The following MAP3K4 variants were observed in gnomAD, a reference collection of about 807,000 sequenced individuals.
MAP3K4 encodes mitogen-activated protein kinase kinase kinase 4.
MAP3K4 carries 67 observed loss-of-function variants against 185.6 expected under a neutral mutation model. That is an observed-to-expected ratio of 0.36 (90% CI 0.30 to 0.44). The LOEUF (loss-of-function observed/expected upper bound fraction) is 0.44, where lower values mean the gene tolerates loss of function less well. Among genes scored for constraint, MAP3K4 ranks in the 20% least tolerant of loss-of-function variants. The probability of loss-of-function intolerance (pLI) is 1.00; values close to 1 mark genes in which losing one functional copy is unlikely to be tolerated. For synonymous variants in MAP3K4, 702 were observed against 710.4 expected (o/e 0.99, Z 0.19); for missense variants, 1,551 against 1,995.1 (o/e 0.78, Z 4.24).
intron 19 of MAP3K4, among the ~76,000 whole-genome samples, chr6:161,105,249 AAT>A (rs1254260676): frequency 1.3e-5 from 2 of 152,234 alleles, no homozygotes; most frequent in African/African-American, 4.8e-5. Context: ...AAGTTGGAGA[AAT>A]AGAGATAAAT....
intron 1 of MAP3K4, among the ~76,000 whole-genome samples, chr6:161,026,325 C>T (rs1172236841): frequency 2.0e-5 from 3 of 151,486 alleles, no homozygotes; most frequent in African/African-American, 4.9e-5. Flanking sequence ...TTAGTAAAGA[C>T]GGGGTTTCAC....
At chr6:161,105,734 A>G (rs759558065) in intron 19 of MAP3K4, among the ~76,000 whole-genome samples, 2 of 152,172 alleles carry the variant, frequency 1.3e-5, no homozygotes, top group Non-Finnish European at 2.9e-5. Flanking sequence ...CAGTTTGGCT[A>G]GTGTGAAAAC....
At chr6:161,016,047 C>T (rs533651551) in intron 1 of MAP3K4, among the ~76,000 whole-genome samples, 56 of 152,206 alleles carry the variant, frequency 3.7e-4, no homozygotes, top group African/African-American at 1.2e-3. Flanking sequence ...TTTGTCAACG[C>T]GTTGTCTGAC....
rs1284597990 is a variant in MAP3K4, at chr6:161,097,685, C to G, written c.3524+509C>G. On this transcript the variant is annotated intron_variant, in intron 16 of 26. Transcript: ENST00000392142. The surrounding 1 kb of genome is among the most constrained non-coding windows in gnomAD (Gnocchi z 4.9). ...CTTGAATGTGGTGGCATTTCTGCAT[C>G]TTGAGGTAGTGAGCACCTTCTCTCG... Among the ~76,000 whole-genome samples the G allele has an allele frequency of 6.6e-6, 1 of 152,148 alleles. No homozygotes were observed. The highest frequency in any genetic ancestry group is 2.4e-5 in the African/African-American group (1 of 41,428).
chr6:161,054,482 T>A lies in MAP3K4; in HGVS notation c.1707+4503T>A, dbSNP rs1639362581. 6.6e-6 allele frequency among the ~76,000 whole-genome samples: 1 copy of A among 152,190 alleles called. No homozygotes were observed. The highest frequency in any genetic ancestry group is 6.5e-5 in the Admixed American group (1 of 15,278). On this transcript the variant is annotated intron_variant, in intron 3 of 26. Transcript: ENST00000392142. This position sits in a 1 kb window ranked among gnomAD's most constrained non-coding sequence, Gnocchi z 4.2. The stretch of plus-strand genomic sequence containing the variant: ...AACTAATTTTTCTCTAAAACTTTAT[T>A]AATATTTCAAAATATTTTAAAAGAA...
chr6:161,029,666 A>G (rs536272762), intron 1 of MAP3K4, among the ~76,000 whole-genome samples: 1 of 152,360 alleles, frequency 6.6e-6, no homozygotes, highest in African/African-American at 2.4e-5. Flanking sequence ...TACTTTGCTC[A>G]TCCCAAATCA....
chr6:161,046,045 G>C (rs531039803), intron 2 of MAP3K4, among the ~76,000 whole-genome samples: 115 of 152,166 alleles, frequency 7.6e-4, no homozygotes, highest in Non-Finnish European at 1.4e-3. Flanking sequence ...CCCAACATGT[G>C]TGTTTTTTTA....
chr6:161,001,085 CAT>C lies in MAP3K4; in HGVS notation c.152+9005_152+9006del, dbSNP rs910310883. 7.8e-5 allele frequency among the ~76,000 whole-genome samples: 10 copies of C among 127,590 alleles called. No individual in the cohort carries two copies. The East Asian group carries it at 2.2e-3, about 28-fold the overall frequency. 83.7% of individuals were successfully genotyped at this position (127,590 alleles called of 152,430 possible). A position where few individuals can be genotyped will look rare whatever the true frequency, so the allele number is the denominator to read the frequency against. On this transcript the variant is annotated intron_variant, in intron 1 of 26. Transcript: ENST00000392142. Reference sequence around the variant, plus strand: ...TATATATTATATATTATAATATACACATATGTATATAATATATAATATATATT... The same window carrying C: ...TATATATTATATATTATAATATACACATGTATATAATATATAATATATATT...
At chr6:161,094,018 C>T (rs1425586127) in intron 15 of MAP3K4, among the ~76,000 whole-genome samples, 167 bp downstream of exon 15, 2 of 152,010 alleles carry the variant, frequency 1.3e-5, no homozygotes, top group Admixed American at 1.3e-4. Flanking sequence ...AACTCCGCAG[C>T]AACCTTTCTA....
rs1482493404 is a variant in MAP3K4, at chr6:161,093,038, A to G, written c.3330A>G (p.Leu1110=). The part of the protein sequence containing the change: ...QAIEPAFISA[L]PEDDFLSLQA... Reference sequence around the variant, plus strand: ...TTGAACCTGCCTTTATTTCAGCTTTACCAGAAGATGACTTCTTGGTATGGA... The same window carrying G: ...TTGAACCTGCCTTTATTTCAGCTTTGCCAGAAGATGACTTCTTGGTATGGA... The change falls in exon 14 of 27, where the codon TTA becomes TTG. Residue 1110 remains leucine (L), a synonymous_variant. Coordinates refer to ENST00000392142, the MANE Select transcript of MAP3K4 (RefSeq NM_005922.4). The surrounding 1 kb of genome is among the most constrained non-coding windows in gnomAD (Gnocchi z 5.2). 1 of 1,612,848 alleles carries G rather than the reference A, an allele frequency of 6.2e-7. No individual in the cohort carries two copies. Among genetic ancestry groups the G allele is most frequent in the East Asian group, 2.2e-5 (1 of 44,816 alleles).
intron 1 of MAP3K4, among the ~76,000 whole-genome samples, chr6:161,002,052 T>G (rs1033591544): frequency 2.1e-5 from 3 of 146,218 alleles, no homozygotes; most frequent in Admixed American, 1.4e-4. Flanking sequence ...AGAAAAAGGT[T>G]TTTTTTTTTT....
In MAP3K4 at chr6:161,056,718, A is replaced by G. The variant is rs10945709; in HGVS notation, c.1707+6739A>G. Among the ~76,000 whole-genome samples, 3,789 of 152,270 alleles carry G rather than the reference A, an allele frequency of 0.025. 168 individuals are homozygous for G. Among genetic ancestry groups the G allele is most frequent in the African/African-American group, 0.087 (3,619 of 41,538 alleles). On this transcript the variant is annotated intron_variant, in intron 3 of 26. Coordinates refer to ENST00000392142, the MANE Select transcript of MAP3K4 (RefSeq NM_005922.4). This position sits in a 1 kb window ranked among gnomAD's most constrained non-coding sequence, Gnocchi z 5.4. Reference sequence around the variant, plus strand: ...GTCTTTAGCCTTTTATAGTCAAAACACTATTCTCCAAAGTAACTTAGGTCA... The same window carrying G: ...GTCTTTAGCCTTTTATAGTCAAAACGCTATTCTCCAAAGTAACTTAGGTCA...
intron 1 of MAP3K4, among the ~76,000 whole-genome samples, chr6:161,024,794 C>CT (rs34708068): frequency 6.6e-6 from 1 of 152,136 alleles, no homozygotes; most frequent in African/African-American, 2.4e-5. Context: ...TGCAATGTTA[C>CT]TTTTTTTTCC....
rs1785706848 is a variant in MAP3K4 at position 161,086,234 on chromosome 6, AT to A, written c.2373-144del. 6 of 514,542 alleles carry A rather than the reference AT, an allele frequency of 1.2e-5. No homozygotes were observed. The highest frequency in any genetic ancestry group is 5.1e-4 in the Middle Eastern group (1 of 1,944). 31.9% of individuals were successfully genotyped at this position (514,542 alleles called of 1,614,324 possible). On this transcript the variant is annotated intron_variant, in intron 7 of 26. Coordinates refer to ENST00000392142, the MANE Select transcript of MAP3K4 (RefSeq NM_005922.4). This position sits in a 1 kb window ranked among gnomAD's most constrained non-coding sequence, Gnocchi z 4.8. ...TCTGAATGTTTTGACTACATCTTCA[AT>A]AATAGTTTGTTCCCATTTAAAAAAT...
chr6:161,046,031 T>C (rs6919510), intron 2 of MAP3K4, among the ~76,000 whole-genome samples: 105,236 of 151,972 alleles, frequency 0.69, 37,795 homozygotes, highest in East Asian at 0.97. Context: ...ATTTCTCTCC[T>C]AAGCCCAACA....
intron 3 of MAP3K4, among the ~76,000 whole-genome samples, chr6:161,066,201 G>T (rs1030249623): frequency 1.3e-5 from 2 of 152,002 alleles, no homozygotes; most frequent in African/African-American, 4.8e-5. Context: ...ACTTTGAATA[G>T]TTTTTTAGAG....
intron 1 of MAP3K4, among the ~76,000 whole-genome samples, chr6:161,002,050 GTTTT>G (rs77347524): frequency 2.7e-5 from 3 of 112,460 alleles, no homozygotes; most frequent in Non-Finnish European, 5.5e-5. Context: ...TAAGAAAAAG[GTTTT>G]TTTTTTTTTT....
chr6:161,062,135 A>G (rs952978079), intron 3 of MAP3K4, among the ~76,000 whole-genome samples: 4 of 152,164 alleles, frequency 2.6e-5, no homozygotes, highest in Admixed American at 2.6e-4. Context: ...TCTTTACATA[A>G]CACCCTTAAT....
In MAP3K4 at chr6:161,088,660, A is replaced by G. The variant is rs1785864107; in HGVS notation, c.2824-662A>G. Among the ~76,000 whole-genome samples the G allele has an allele frequency of 6.6e-6, 1 of 152,306 alleles. No homozygotes were observed. Among genetic ancestry groups the G allele is most frequent in the South Asian group, 2.1e-4 (1 of 4,820 alleles). On this transcript the variant is annotated intron_variant, in intron 10 of 26. Transcript: ENST00000392142. This position sits in a 1 kb window ranked among gnomAD's most constrained non-coding sequence, Gnocchi z 4.5. ...TACCTTGCCCTGGAAAGCCAGAAGC[A>G]TTTCCAGTAAATGATCCTTTCCCTG...
Sources: gnomAD v4.1 joint callset for allele counts (sites outside exome capture counted in the v4.1 genomes callset) on GRCh38, gnomAD v4.1.1 for gene constraint, Gnocchi (gnomAD v3.1) non-coding constraint, MANE v1.5 for transcripts, NCBI Gene and HGNC (gene_info 2026-07-23, HGNC 2026-07-21) for gene names.